The following PGAP1 variants were observed in gnomAD, a reference collection of about 807,000 sequenced individuals.
The protein encoded by PGAP1 is post-GPI attachment to proteins inositol deacylase 1.
PGAP1 carries 76 observed loss-of-function variants against 127.0 expected under a neutral mutation model. That is an observed-to-expected ratio of 0.60 (90% CI 0.50 to 0.72). PGAP1 has a LOEUF of 0.72. Among genes scored for constraint, PGAP1 ranks in the 30% least tolerant of loss-of-function variants. The pLI is 0.00. For missense variants in PGAP1, 982 were observed against 1,071.3 expected (o/e 0.92, Z 1.16); for synonymous variants, 362 against 366.5 (o/e 0.99, Z 0.14).
In PGAP1 at chr2:196,873,547, G is replaced by A; in HGVS notation, c.1533C>T (p.Ser511=). 1 of 1,610,138 alleles carries A rather than the reference G, an allele frequency of 6.2e-7. No individual in the cohort carries two copies. The highest frequency in any genetic ancestry group is 8.5e-7 in the Non-Finnish European group (1 of 1,177,922). The change falls in exon 16 of 27, where the codon AGC becomes AGT. Residue 511 remains serine, a synonymous_variant. Transcript: ENST00000354764. ...ATTTACCTTTGACTGCTGAGCACTT[G>A]CTTACCACGTTGATTTTAAAAGCTT... is the stretch of plus-strand genomic sequence containing the variant. ...IYQAFKINVV[S]KCSAVKEEIT...
chr2:196,922,762 C>T (rs1703244813), intron 1 of PGAP1: 1 of 152,938 alleles, frequency 6.5e-6, no homozygotes, highest in Non-Finnish European at 1.4e-5. Flanking sequence ...CTCACTGTAG[C>T]TTCGACTTCC....
chr2:196,925,751 G>A (rs1658404820), intron 1 of PGAP1, among the ~76,000 whole-genome samples: 1 of 152,144 alleles, frequency 6.6e-6, no homozygotes. Context: ...AGGCTCGGCT[G>A]CTGAGAGACA....
intron 18 of PGAP1, 50 bp from the exon 19 acceptor site, chr2:196,871,029 T>C (rs144092650): frequency 1.5e-6 from 2 of 1,324,418 alleles, no homozygotes; most frequent in East Asian, 4.6e-5. Context: ...TCTAAACTCC[T>C]TTACATTTTA....
chr2:196,844,318 C>G (rs529667023), intron 24 of PGAP1, among the ~76,000 whole-genome samples: 48 of 151,920 alleles, frequency 3.2e-4, no homozygotes, highest in Admixed American at 5.9e-4. Flanking sequence ...ATTTAATAGA[C>G]AATAAACTTG....
intron 3 of PGAP1, among the ~76,000 whole-genome samples, chr2:196,914,415 G>A (rs991898542): frequency 4.6e-5 from 7 of 152,146 alleles, no homozygotes; most frequent in African/African-American, 1.7e-4. Flanking sequence ...CAGGTCAGGA[G>A]TTCGAGACCA....
chr2:196,861,453 GAACTCAAAC>G (rs1038372392), intron 20 of PGAP1, among the ~76,000 whole-genome samples: 1 of 152,122 alleles, frequency 6.6e-6, no homozygotes, highest in Non-Finnish European at 1.5e-5. Flanking sequence ...AATATATAAG[GAACTCAAAC>G]AACTCAACAG....
At chr2:196,918,220 T>C (rs1022501648) in intron 2 of PGAP1, among the ~76,000 whole-genome samples, 2 of 152,090 alleles carry the variant, frequency 1.3e-5, no homozygotes, top group Non-Finnish European at 2.9e-5. Context: ...AATTCTGGTG[T>C]TGTAAAAGGA....
intron 1 of PGAP1, among the ~76,000 whole-genome samples, chr2:196,923,077 A>G (rs920181643): frequency 6.6e-6 from 1 of 152,184 alleles, no homozygotes; most frequent in Non-Finnish European, 1.5e-5. Flanking sequence ...AAGGATATAC[A>G]TTGAAAAGGT....
At chr2:196,863,323 A>G (rs1701127674) in intron 20 of PGAP1, among the ~76,000 whole-genome samples, 1 of 152,218 alleles carries the variant, frequency 6.6e-6, no homozygotes, top group South Asian at 2.1e-4. Flanking sequence ...GAATCAACCT[A>G]AAGTCCATCA....
chr2:196,917,907 C>T (rs1432086181), intron 2 of PGAP1, among the ~76,000 whole-genome samples: 3 of 152,062 alleles, frequency 2.0e-5, no homozygotes, highest in African/African-American at 7.2e-5. Flanking sequence ...TGAGGAACTC[C>T]CAAACAGTTT....
intron 1 of PGAP1, among the ~76,000 whole-genome samples, chr2:196,925,748 G>A (rs1483677489): frequency 2.0e-5 from 3 of 152,238 alleles, no homozygotes; most frequent in African/African-American, 7.2e-5. Flanking sequence ...AAGAGGCTCG[G>A]CTGCTGAGAG....
Position 196,880,018 on chromosome 2 carries a change from G to A in PGAP1, c.1350+58C>T, listed in dbSNP as rs1050059904. ...CAGAAAAACTCATTGAAAAAGAACT[G>A]TAAAATTTAGCATGTGTCTCCAAAA... is the stretch of plus-strand genomic sequence containing the variant. On this transcript the variant is annotated intron_variant, in intron 13 of 26. Coordinates refer to ENST00000354764, the MANE Select transcript of PGAP1 (RefSeq NM_024989.4). 3 of 1,263,518 alleles carry A rather than the reference G, an allele frequency of 2.4e-6. 1 individual carries two copies. The South Asian group carries it at 3.8e-5, about 16-fold the overall frequency. The allele number at this position is 1,263,518 out of a possible 1,614,324, so 78.3% of individuals were successfully genotyped here. A position where few individuals can be genotyped will look rare whatever the true frequency, so the allele number is the denominator to read the frequency against.
intron 5 of PGAP1, among the ~76,000 whole-genome samples, chr2:196,901,846 A>G (rs1702501755): frequency 6.6e-6 from 1 of 152,234 alleles, no homozygotes; most frequent in South Asian, 2.1e-4. Context: ...ATATTCCACT[A>G]TGATTATATC....
At chr2:196,847,893 T>C in intron 21 of PGAP1, 54 bp downstream of exon 21, 1 of 1,279,940 alleles carries the variant, frequency 7.8e-7, no homozygotes, top group Non-Finnish European at 1.1e-6. Context: ...GAACCAAATA[T>C]AATGTTACAT....
chr2:196,849,261 A>AT (rs747641877), intron 20 of PGAP1, among the ~76,000 whole-genome samples: 3,050 of 135,938 alleles, frequency 0.022, 41 homozygotes, highest in Non-Finnish European at 0.029. Context: ...TGTCAGAATA[A>AT]TTTTTTTTTT....
At chr2:196,866,639 A>G (rs1258514757) in intron 19 of PGAP1, among the ~76,000 whole-genome samples, 1 of 152,226 alleles carries the variant, frequency 6.6e-6, no homozygotes, top group Non-Finnish European at 1.5e-5. Flanking sequence ...ATTAAACTAA[A>G]GAGCTTCTGC....
intron 20 of PGAP1, among the ~76,000 whole-genome samples, chr2:196,862,407 T>A (rs749022660): frequency 7.2e-5 from 11 of 152,142 alleles, no homozygotes; most frequent in Non-Finnish European, 1.0e-4. Flanking sequence ...TGCCCAAAAC[T>A]TCATTAGCAA....
chr2:196,904,378 G>A (rs1702615563), intron 4 of PGAP1, among the ~76,000 whole-genome samples: 1 of 152,086 alleles, frequency 6.6e-6, no homozygotes, highest in Non-Finnish European at 1.5e-5. Context: ...CTGCCCTCAG[G>A]AAAACAAAGA....
intron 13 of PGAP1, 78 bp from the exon 14 acceptor site, chr2:196,875,899 G>T: frequency 2.8e-6 from 2 of 722,004 alleles, no homozygotes; most frequent in Non-Finnish European, 4.7e-6. Flanking sequence ...TGTTTGAGTG[G>T]AAAATAAAAG....
Sources: gnomAD v4.1 joint callset for allele counts (sites outside exome capture counted in the v4.1 genomes callset) on GRCh38, gnomAD v4.1.1 for gene constraint, MANE v1.5 for transcripts, NCBI Gene and HGNC (gene_info 2026-07-23, HGNC 2026-07-21) for gene names.